LHFPL3: variants seen among roughly 807,000 people sequenced by gnomAD.
LHFPL3 encodes the protein LHFPL tetraspan subfamily member 3, also known as LHFPL tetraspan subfamily member 3 protein.
Under a neutral mutation model 19.3 loss-of-function variants are expected in LHFPL3, and 5 were observed. The observed-to-expected ratio is 0.26, with a 90% confidence interval of 0.14 to 0.54. The LOEUF (loss-of-function observed/expected upper bound fraction) is 0.54. LHFPL3 is among the 20% of genes least tolerant of loss of function. The probability of loss-of-function intolerance (pLI) is 0.94; values close to 1 mark genes in which losing one functional copy is unlikely to be tolerated. For synonymous variants in LHFPL3, 133 were observed against 126.2 expected, an observed-to-expected ratio of 1.05 and a Z score of -0.36; for missense variants, 249 against 307.4, an observed-to-expected ratio of 0.81 and a Z score of 1.42.
intron 2 of LHFPL3, among the ~76,000 whole-genome samples, chr7:104,769,787 G>A (rs1300360946): frequency 1.3e-5 from 2 of 152,152 alleles, no homozygotes; most frequent in East Asian, 3.9e-4. Context: ...CAACCCAAAT[G>A]TCCATCAATA....
At chr7:104,436,459 T>A (rs1033788848) in intron 1 of LHFPL3, among the ~76,000 whole-genome samples, 8 of 152,216 alleles carry the variant, frequency 5.3e-5, no homozygotes, top group African/African-American at 1.9e-4. Flanking sequence ...GCTCTTAACC[T>A]GTAGTTTCTA....
intron 1 of LHFPL3, among the ~76,000 whole-genome samples, chr7:104,337,979 G>T (rs901287681): frequency 4.6e-5 from 7 of 151,794 alleles, no homozygotes; most frequent in African/African-American, 1.7e-4. Flanking sequence ...ACCTTTTAAT[G>T]GTCATGATAT....
At chr7:104,837,814 G>T (rs1230569242) in intron 2 of LHFPL3, among the ~76,000 whole-genome samples, 1 of 152,120 alleles carries the variant, frequency 6.6e-6, no homozygotes, top group Non-Finnish European at 1.5e-5. Flanking sequence ...CCACATTCCA[G>T]TGCCATTGCT....
At chr7:104,721,243 A>T (rs1231553036) in intron 1 of LHFPL3, among the ~76,000 whole-genome samples, 1 of 152,206 alleles carries the variant, frequency 6.6e-6, no homozygotes, top group Non-Finnish European at 1.5e-5. Flanking sequence ...TTGCAGGGAC[A>T]TGGATGAAGC....
chr7:104,840,505 T>G (rs1445799241), intron 2 of LHFPL3, among the ~76,000 whole-genome samples: 3 of 86,836 alleles, frequency 3.5e-5, no homozygotes, highest in Admixed American at 1.3e-4. Context: ...TTTTTTTTTG[T>G]AGAGACCAGG....
At chr7:104,900,130 C>G (rs960908055) in intron 2 of LHFPL3, among the ~76,000 whole-genome samples, 2 of 152,198 alleles carry the variant, frequency 1.3e-5, no homozygotes, top group Admixed American at 6.5e-5. Flanking sequence ...ATAGTAAAAG[C>G]CTTTCAACCT....
At chr7:104,344,324 A>G (rs1249676607) in intron 1 of LHFPL3, among the ~76,000 whole-genome samples, 1 of 152,158 alleles carries the variant, frequency 6.6e-6, no homozygotes, top group East Asian at 1.9e-4. Flanking sequence ...GATGAATGGT[A>G]TAGTGGTGAA....
At chr7:104,618,117 C>T (rs1791382195) in intron 1 of LHFPL3, among the ~76,000 whole-genome samples, 2 of 152,184 alleles carry the variant, frequency 1.3e-5, no homozygotes, top group South Asian at 4.1e-4. Context: ...TGTGTCAATG[C>T]AACACAAAAG....
chr7:104,560,753 A>G (rs1317363401), intron 1 of LHFPL3, among the ~76,000 whole-genome samples: 1 of 144,506 alleles, frequency 6.9e-6, no homozygotes, highest in Admixed American at 6.8e-5. Flanking sequence ...TTGCTTTTCT[A>G]GTTCTTTTAA....
chr7:104,408,395 A>G (rs1791461848), intron 1 of LHFPL3, among the ~76,000 whole-genome samples: 1 of 150,828 alleles, frequency 6.6e-6, no homozygotes, highest in Non-Finnish European at 1.5e-5. Flanking sequence ...ACTTTCACAT[A>G]TGAATTTGTG....
At chr7:104,417,101 G>A (rs1255572735) in intron 1 of LHFPL3, among the ~76,000 whole-genome samples, 2 of 152,204 alleles carry the variant, frequency 1.3e-5, no homozygotes, top group Admixed American at 6.5e-5. Context: ...AACCATAGGG[G>A]GCATAATATT....
At chr7:104,611,058 A>C (rs966606735) in intron 1 of LHFPL3, among the ~76,000 whole-genome samples, 4 of 152,206 alleles carry the variant, frequency 2.6e-5, no homozygotes, top group African/African-American at 9.6e-5. Context: ...GAGAAAACAA[A>C]GCATCTCTCA....
chr7:104,617,005 A>G (rs538761349), intron 1 of LHFPL3, among the ~76,000 whole-genome samples: 2 of 152,230 alleles, frequency 1.3e-5, no homozygotes, highest in African/African-American at 4.8e-5. Context: ...GAAACAACAG[A>G]TGCTGGAGAG....
intron 2 of LHFPL3, among the ~76,000 whole-genome samples, chr7:104,888,575 A>C (rs1407740520): frequency 1.3e-5 from 2 of 152,158 alleles, no homozygotes; most frequent in Non-Finnish European, 2.9e-5. Context: ...CAGCAAAGAG[A>C]TCTTGAAGTC....
intron 2 of LHFPL3, among the ~76,000 whole-genome samples, chr7:104,830,906 T>A (rs1790940353): frequency 6.6e-6 from 1 of 151,842 alleles, no homozygotes; most frequent in Non-Finnish European, 1.5e-5. Flanking sequence ...AGGATGGGTA[T>A]TCATCCTCTT....
intron 1 of LHFPL3, among the ~76,000 whole-genome samples, chr7:104,674,418 G>C (rs1039220775): frequency 5.4e-5 from 8 of 148,140 alleles, no homozygotes; most frequent in Non-Finnish European, 1.2e-4. Flanking sequence ...TGCCAGGCTG[G>C]AGTGCAGTGG....
chr7:104,759,367 A>G (rs1261203495), intron 2 of LHFPL3, among the ~76,000 whole-genome samples: 1 of 151,038 alleles, frequency 6.6e-6, no homozygotes. Flanking sequence ...CACAGTTTAA[A>G]TTTTTTTTTA....
At chr7:104,495,376 TAA>T (rs5886322) in intron 1 of LHFPL3, among the ~76,000 whole-genome samples, 3 of 151,360 alleles carry the variant, frequency 2.0e-5, no homozygotes, top group Non-Finnish European at 2.9e-5. Context: ...TCTGGCTATT[TAA>T]AAAAAAAATT....
intron 1 of LHFPL3, among the ~76,000 whole-genome samples, chr7:104,592,786 C>T (rs1790753904): frequency 6.6e-6 from 1 of 152,168 alleles, no homozygotes; most frequent in South Asian, 2.1e-4. Context: ...TGTTTACCTA[C>T]TCAAGCCTCA....
Sources: gnomAD v4.1 joint callset for allele counts (sites outside exome capture counted in the v4.1 genomes callset) on GRCh38, gnomAD v4.1.1 for gene constraint, MANE v1.5 for transcripts, NCBI Gene and HGNC (gene_info 2026-07-23, HGNC 2026-07-21) for gene names.